SCAPER: variants seen among roughly 807,000 people sequenced by gnomAD.
SCAPER encodes the protein S-phase cyclin A associated protein in the ER, also known as S phase cyclin A-associated protein in the endoplasmic reticulum.
SCAPER carries 98 observed loss-of-function variants against 182.2 expected under a neutral mutation model. The ratio of observed to expected loss-of-function variants is 0.54; its 90% CI spans 0.46 to 0.64. The LOEUF (loss-of-function observed/expected upper bound fraction) is 0.64, where lower values mean the gene tolerates loss of function less well. Ranked by LOEUF, SCAPER falls within the 30% of genes least tolerant of loss-of-function variation. The probability of loss-of-function intolerance (pLI) is 0.00; values close to 1 mark genes in which losing one functional copy is unlikely to be tolerated. For missense variants in SCAPER, 1,432 were observed against 1,690.0 expected (o/e 0.85, Z 2.68); for synonymous variants, 605 against 564.6 (o/e 1.07, Z -1.01).
rs145086985 is a variant in SCAPER, at chr15:76,540,589, A to G, written c.2838+33569T>C. Among the ~76,000 whole-genome samples, 573 of 152,174 alleles carry G rather than the reference A, an allele frequency of 3.8e-3. 15 individuals are homozygous for G. The East Asian group carries it at 0.05, about 13-fold the overall frequency. ...TATTTACAGAAATATGCATAGAAAAAGTCTGGAAGAATACATTGTAAGCTG... is the reference window on the plus strand; with the variant it reads ...TATTTACAGAAATATGCATAGAAAAGGTCTGGAAGAATACATTGTAAGCTG... On this transcript the variant is annotated intron_variant, in intron 23 of 31. Transcript: ENST00000563290.
chr15:76,820,593 T>G (rs62029185), intron 5 of SCAPER, among the ~76,000 whole-genome samples: 52,269 of 112,490 alleles, frequency 0.46, 11,244 homozygotes, highest in East Asian at 0.6. Flanking sequence ...CTGTTGTGGG[T>G]TGGGGGGAGG....
intron 23 of SCAPER, among the ~76,000 whole-genome samples, chr15:76,560,908 C>T (rs760497506): frequency 4.6e-5 from 7 of 152,114 alleles, no homozygotes; most frequent in Non-Finnish European, 8.8e-5. Context: ...AATGAGTTTT[C>T]TACCTGCATT....
chr15:76,809,581 CAA>C (rs957199502), intron 5 of SCAPER, among the ~76,000 whole-genome samples: 31 of 151,722 alleles, frequency 2.0e-4, no homozygotes, highest in African/African-American at 7.0e-4. Context: ...GAAAAAATGA[CAA>C]AGAGTAAAGA....
chr15:76,842,002 AT>A, intron 4 of SCAPER, 71 bp from the exon 5 acceptor site: 1 of 1,366,312 alleles, frequency 7.3e-7, no homozygotes, highest in Non-Finnish European at 1.0e-6. Flanking sequence ...TTTTATAAAG[AT>A]TCAATCAACT....
intron 15 of SCAPER, among the ~76,000 whole-genome samples, chr15:76,741,603 T>G (rs2061541541): frequency 6.6e-6 from 1 of 152,076 alleles, no homozygotes; most frequent in South Asian, 2.1e-4. Flanking sequence ...GTTAGAGAAC[T>G]GCAGGTGTAT....
At chr15:76,408,852 T>C (rs2045062464) in intron 26 of SCAPER, among the ~76,000 whole-genome samples, 1 of 152,098 alleles carries the variant, frequency 6.6e-6, no homozygotes, top group South Asian at 2.1e-4. Flanking sequence ...CAAAACCATG[T>C]AGTCTCAAGA....
At chr15:76,513,444 A>G (rs918001845) in intron 23 of SCAPER, among the ~76,000 whole-genome samples, 2 of 152,200 alleles carry the variant, frequency 1.3e-5, no homozygotes, top group Non-Finnish European at 2.9e-5. Flanking sequence ...AAGCTGTCTC[A>G]ATGATGAACC....
chr15:76,405,107 C>T (rs1307328609), intron 26 of SCAPER, among the ~76,000 whole-genome samples: 1 of 134,450 alleles, frequency 7.4e-6, no homozygotes, highest in African/African-American at 2.7e-5. Flanking sequence ...TTACAACTTA[C>T]ACTTTTTTTT....
Position 76,766,907 on chromosome 15 carries a change from T to A in SCAPER, c.1419+11A>T. 6.3e-7 allele frequency: 1 copy of A among 1,582,472 alleles called. No individual in the cohort carries two copies. The highest frequency in any genetic ancestry group is 8.5e-7 in the Non-Finnish European group (1 of 1,171,368). Reference sequence around the variant, plus strand: ...TTTTGAATAGTTATGTTAAAAAGTCTAAAAGCTCACAGAAAAATCACTGTC... The same window carrying A: ...TTTTGAATAGTTATGTTAAAAAGTCAAAAAGCTCACAGAAAAATCACTGTC... On this transcript the variant is annotated intron_variant, in intron 11 of 31. Transcript: ENST00000563290.
chr15:76,472,394 A>G, intron 24 of SCAPER: 1 of 684,096 alleles, frequency 1.5e-6, no homozygotes, highest in Non-Finnish European at 2.7e-6. Context: ...GTGACTGTGT[A>G]CTTCTGGTGA....
At chr15:76,747,601 T>C (rs1362224574) in intron 15 of SCAPER, among the ~76,000 whole-genome samples, 3 of 152,154 alleles carry the variant, frequency 2.0e-5, no homozygotes, top group Non-Finnish European at 2.9e-5. Context: ...AACAGATCCC[T>C]CATGAATAGA....
chr15:76,455,847 C>G (rs1267430039), intron 25 of SCAPER, among the ~76,000 whole-genome samples: 2 of 152,046 alleles, frequency 1.3e-5, no homozygotes, highest in Non-Finnish European at 2.9e-5. Flanking sequence ...CTGACAGGCC[C>G]TGGTGTGTGA....
chr15:76,773,536 C>G (rs1271624666), intron 9 of SCAPER, among the ~76,000 whole-genome samples: 1 of 151,936 alleles, frequency 6.6e-6, no homozygotes, highest in African/African-American at 2.4e-5. Context: ...CTTAAAGTTA[C>G]ATCCAACAAA....
At chr15:76,709,380 C>T (rs965451201) in intron 17 of SCAPER, among the ~76,000 whole-genome samples, 15 of 152,160 alleles carry the variant, frequency 9.9e-5, no homozygotes, top group Admixed American at 2.6e-4. Context: ...ATGATCCACA[C>T]GCCTTGGCCT....
chr15:76,832,636 G>C lies in SCAPER; in HGVS notation c.393+9098C>G, dbSNP rs149160061. On this transcript the variant is annotated intron_variant, in intron 5 of 31. Coordinates refer to ENST00000563290, the MANE Select transcript of SCAPER (RefSeq NM_020843.4). ...TCCCCAGTGCTGGAGGGCCTAGTGG[G>C]AGGTGACTGAATCATGAGGGTGAAT... 2.6e-3 allele frequency among the ~76,000 whole-genome samples: 395 copies of C among 152,296 alleles called. 2 individuals carry two copies. Among genetic ancestry groups the C allele is most frequent in the African/African-American group, 9.1e-3 (379 of 41,552 alleles).
At chr15:76,463,725 A>T (rs148930155) in intron 25 of SCAPER, among the ~76,000 whole-genome samples, 7 of 152,292 alleles carry the variant, frequency 4.6e-5, no homozygotes, top group Non-Finnish European at 1.0e-4. Flanking sequence ...ATCTTACCAA[A>T]GTAATACTAT....
intron 4 of SCAPER, among the ~76,000 whole-genome samples, chr15:76,847,771 G>T (rs2070266211): frequency 6.6e-6 from 1 of 151,916 alleles, no homozygotes. Flanking sequence ...AAATGAAAAG[G>T]CTAACCAGGT....
chr15:76,397,697 G>C (rs1488011086), intron 27 of SCAPER, among the ~76,000 whole-genome samples: 1 of 151,996 alleles, frequency 6.6e-6, no homozygotes, highest in Non-Finnish European at 1.5e-5. Context: ...GGCTGGTCTT[G>C]AACTCCTGAC....
intron 26 of SCAPER, among the ~76,000 whole-genome samples, chr15:76,432,982 T>C (rs528295057): frequency 8.1e-4 from 123 of 152,356 alleles, no homozygotes; most frequent in African/African-American, 2.9e-3. Flanking sequence ...GGGGTTACTA[T>C]ACTATACTAT....
Sources: gnomAD v4.1 joint callset for allele counts (sites outside exome capture counted in the v4.1 genomes callset) on GRCh38, gnomAD v4.1.1 for gene constraint, MANE v1.5 for transcripts, NCBI Gene and HGNC (gene_info 2026-07-23, HGNC 2026-07-21) for gene names.